HDAC1: variants seen among roughly 807,000 people sequenced by gnomAD.
The protein encoded by HDAC1 is histone deacetylase 1.
A neutral mutation model predicts 65.5 loss-of-function variants in HDAC1; 18 were observed. The ratio of observed to expected loss-of-function variants is 0.27; its 90% CI spans 0.19 to 0.41. HDAC1 has a LOEUF of 0.41. Among genes scored for constraint, HDAC1 ranks in the 10% least tolerant of loss-of-function variants. The pLI is 1.00. For missense variants in HDAC1, 373 were observed against 625.2 expected (o/e 0.60, Z 4.30); for synonymous variants, 211 against 227.9 (o/e 0.93, Z 0.67).
intron 2 of HDAC1, among the ~76,000 whole-genome samples, chr1:32,310,021 A>G (rs1261571300): frequency 6.6e-6 from 1 of 152,164 alleles, no homozygotes; most frequent in Non-Finnish European, 1.5e-5. Flanking sequence ...CAGTCTCTCA[A>G]ACATGTTTTA....
chr1:32,322,637 C>A (rs1268281783), intron 3 of HDAC1, among the ~76,000 whole-genome samples: 1 of 152,176 alleles, frequency 6.6e-6, no homozygotes, highest in Non-Finnish European at 1.5e-5. Flanking sequence ...AGTCTACAGC[C>A]TCCAGGTGTG....
rs200968664 is a variant in HDAC1, at chr1:32,329,181, C to T, written c.729+21C>T. ...AGCCGGTAAGTGGCTTTATCCACCC[C>T]TTGGGCTACAAACAGGGGATTGGTT... On this transcript the variant is annotated intron_variant, in intron 7 of 13. Coordinates refer to ENST00000373548, the MANE Select transcript of HDAC1 (RefSeq NM_004964.3). The surrounding 1 kb of genome is among the most constrained non-coding windows in gnomAD (Gnocchi z 4.1). 6.9e-7 allele frequency: 1 copy of T among 1,447,766 alleles called. No homozygotes were observed. Among genetic ancestry groups the T allele is most frequent in the African/African-American group, 1.4e-5 (1 of 71,708 alleles). The allele number at this position is 1,447,766 out of a possible 1,614,324, so 89.7% of individuals were successfully genotyped here. A position where few individuals can be genotyped will look rare whatever the true frequency, so the allele number is the denominator to read the frequency against.
intron 4 of HDAC1, among the ~76,000 whole-genome samples, chr1:32,325,687 CTCT>C (rs1317272077): frequency 6.6e-6 from 1 of 152,106 alleles, no homozygotes; most frequent in East Asian, 1.9e-4. Flanking sequence ...TAATCTGTCC[CTCT>C]TCTTGATAAT....
intron 3 of HDAC1, among the ~76,000 whole-genome samples, chr1:32,319,142 T>C (rs72878749): frequency 0.063 from 9,619 of 152,014 alleles, 1,008 homozygotes; most frequent in African/African-American, 0.22. Context: ...TCAGTCTGGG[T>C]GCCTATAGTC....
At chr1:32,298,329 C>T (rs1193901592) in intron 1 of HDAC1, among the ~76,000 whole-genome samples, 1 of 151,840 alleles carries the variant, frequency 6.6e-6, no homozygotes, top group Non-Finnish European at 1.5e-5. Flanking sequence ...CTCAGATGAT[C>T]GCCTGCCTCG....
At chr1:32,303,587 A>G (rs972377131) in intron 2 of HDAC1, among the ~76,000 whole-genome samples, 6 of 152,248 alleles carry the variant, frequency 3.9e-5, no homozygotes, top group Admixed American at 1.3e-4. Flanking sequence ...AGATTCAGCT[A>G]CAGGTGATTT....
Position 32,329,195 on chromosome 1 carries a change from A to C in HDAC1, c.729+35A>C. The C allele has an allele frequency of 1.5e-6, 2 of 1,312,370 alleles. No individual in the cohort carries two copies. Among genetic ancestry groups the C allele is most frequent in the South Asian group, 1.2e-5 (1 of 85,048 alleles). The allele number at this position is 1,312,370 out of a possible 1,614,324, so 81.3% of individuals were successfully genotyped here. On this transcript the variant is annotated intron_variant, in intron 7 of 13. Coordinates refer to ENST00000373548, the MANE Select transcript of HDAC1 (RefSeq NM_004964.3). This position sits in a 1 kb window ranked among gnomAD's most constrained non-coding sequence, Gnocchi z 4.1. ...TTTATCCACCCCTTGGGCTACAAAC[A>C]GGGGATTGGTTGGCGGTGGAGGGGA...
At chr1:32,332,339 C>A (rs1641304697) in intron 12 of HDAC1, 97 bp downstream of exon 12, 17 of 1,143,570 alleles carry the variant, frequency 1.5e-5, no homozygotes, top group Non-Finnish European at 2.0e-5. Context: ...CCTGCCAGCT[C>A]CTGTGGGGCT....
At chr1:32,305,096 T>A (rs1376588690) in intron 2 of HDAC1, among the ~76,000 whole-genome samples, 1 of 152,218 alleles carries the variant, frequency 6.6e-6, no homozygotes, top group Non-Finnish European at 1.5e-5. Context: ...TGTTTGATTG[T>A]TATATAGATG....
chr1:32,303,640 A>G (rs1640877604), intron 2 of HDAC1, among the ~76,000 whole-genome samples: 1 of 152,172 alleles, frequency 6.6e-6, no homozygotes, highest in Non-Finnish European at 1.5e-5. Context: ...GGAAATCCAG[A>G]TTATTATGTA....
At chr1:32,303,687 T>C (rs1037137298) in intron 2 of HDAC1, among the ~76,000 whole-genome samples, 3 of 152,066 alleles carry the variant, frequency 2.0e-5, no homozygotes, top group African/African-American at 7.2e-5. Context: ...CCAAGAAACC[T>C]TGTCTGTACA....
At position 32,292,116 on chromosome 1, in the gene HDAC1, C is replaced by A; in HGVS notation, c.-54C>A. On this transcript the variant is annotated 5_prime_UTR_variant, in exon 1 of 14. Coordinates refer to ENST00000373548, the MANE Select transcript of HDAC1 (RefSeq NM_004964.3). ...CCCTGGGTCGGACGCTGAGCGGAGC[C>A]GCGGGCGGGAGGGCGGACGGACCGA... 2 of 1,531,634 alleles carry A rather than the reference C, an allele frequency of 1.3e-6. No homozygotes were observed. Among genetic ancestry groups the A allele is most frequent in the Non-Finnish European group, 1.8e-6 (2 of 1,132,676 alleles). The allele number at this position is 1,531,634 out of a possible 1,614,324, so 94.9% of individuals were successfully genotyped here. A position where few individuals can be genotyped will look rare whatever the true frequency, so the allele number is the denominator to read the frequency against.
rs1486417064 is a variant in HDAC1, at chr1:32,327,542, C to T, written c.501C>T (p.His167=). Residue 167 remains histidine, a synonymous_variant, in exon 6 of 14, where the codon CAC becomes CAT. Transcript: ENST00000373548. This position sits in a 1 kb window ranked among gnomAD's most constrained non-coding sequence, Gnocchi z 6.0. ...GACCCCCTTCTGATCCTAGGTATCA[C>T]CAGAGGGTGCTGTACATTGACATTG... ...VLAILELLKY[H]QRVLYIDIDI... is the part of the protein sequence containing the mutation. 6.2e-7 allele frequency: 1 copy of T among 1,612,506 alleles called. No homozygotes were observed. The highest frequency in any genetic ancestry group is 1.7e-5 in the Admixed American group (1 of 59,992).
At chr1:32,322,798 C>T (rs918047047) in intron 3 of HDAC1, among the ~76,000 whole-genome samples, 6 of 152,178 alleles carry the variant, frequency 3.9e-5, no homozygotes, top group African/African-American at 1.4e-4. Flanking sequence ...CTACGGGAGT[C>T]AAGACACCGG....
chr1:32,297,333 G>A (rs1640780584), intron 1 of HDAC1, among the ~76,000 whole-genome samples: 1 of 152,186 alleles, frequency 6.6e-6, no homozygotes, highest in South Asian at 2.1e-4. Context: ...CTTGAGACCA[G>A]GCGTTCAAGA....
chr1:32,329,261 A>G lies in HDAC1; in HGVS notation c.729+101A>G. 1 of 783,806 alleles carries G rather than the reference A, an allele frequency of 1.3e-6. No individual in the cohort carries two copies. Among genetic ancestry groups the G allele is most frequent in the Non-Finnish European group, 2.3e-6 (1 of 432,362 alleles). 48.6% of individuals were successfully genotyped at this position (783,806 alleles called of 1,614,324 possible). ...CATACCTCAGGAATCTCTCCTTACT[A>G]AAGCTGGTGGGGAGATAGAAGTGTT... On this transcript the variant is annotated intron_variant, in intron 7 of 13. Coordinates refer to ENST00000373548, the MANE Select transcript of HDAC1 (RefSeq NM_004964.3). This position sits in a 1 kb window ranked among gnomAD's most constrained non-coding sequence, Gnocchi z 4.1.
rs1326321498 is a variant in HDAC1 at position 32,327,196 on chromosome 1, C to T, written c.494+119C>T. ...CTACCGATGTGCTGGCTAGGATGTG[C>T]TCGGTGAGTGTCTCTGGCCATCATC... On this transcript the variant is annotated intron_variant, in intron 5 of 13. Coordinates refer to ENST00000373548, the MANE Select transcript of HDAC1 (RefSeq NM_004964.3). The surrounding 1 kb of genome is among the most constrained non-coding windows in gnomAD (Gnocchi z 6.0). 6 of 981,360 alleles carry T rather than the reference C, an allele frequency of 6.1e-6. No homozygotes were observed. In the East Asian group the frequency reaches 1.5e-4, roughly 24 times the overall value. The allele number at this position is 981,360 out of a possible 1,614,324, so 60.8% of individuals were successfully genotyped here. A position where few individuals can be genotyped will look rare whatever the true frequency, so the allele number is the denominator to read the frequency against.
At position 32,306,604 on chromosome 1, in the gene HDAC1, A is replaced by G. The variant is rs542855232; in HGVS notation, c.162+3871A>G. Among the ~76,000 whole-genome samples, 8 of 152,106 alleles carry G rather than the reference A, an allele frequency of 5.3e-5. No homozygotes were observed. The East Asian group carries it at 1.5e-3, about 29-fold the overall frequency. ...CCTGAGTAGCACTTCTTTTTAATTTAATTACGATTTTGATATACATTTCAC... is the reference window on the plus strand; with the variant it reads ...CCTGAGTAGCACTTCTTTTTAATTTGATTACGATTTTGATATACATTTCAC... On this transcript the variant is annotated intron_variant, in intron 2 of 13. Transcript: ENST00000373548.
intron 3 of HDAC1, among the ~76,000 whole-genome samples, chr1:32,321,730 A>T (rs368381868): frequency 7.8e-4 from 116 of 148,664 alleles, no homozygotes; most frequent in African/African-American, 1.4e-3. Context: ...GAAGAAAAAT[A>T]TTTTTTTTTT....
Sources: allele counts gnomAD v4.1 joint callset (sites outside exome capture counted in the v4.1 genomes callset), GRCh38; gene constraint gnomAD v4.1.1; non-coding constraint Gnocchi (gnomAD v3.1); transcripts MANE v1.5; gene names NCBI Gene and HGNC (gene_info 2026-07-23, HGNC 2026-07-21).